Variants in RNF144A observed in about 807,000 individuals in gnomAD.
RNF144A encodes E3 ubiquitin-protein ligase RNF144A.
A neutral mutation model predicts 38.7 loss-of-function variants in RNF144A; 11 were observed. That is an observed-to-expected ratio of 0.28 (90% CI 0.18 to 0.47). The LOEUF (loss-of-function observed/expected upper bound fraction) is 0.47. Among genes scored for constraint, RNF144A ranks in the 20% least tolerant of loss-of-function variants. RNF144A has a pLI of 0.99. For synonymous variants in RNF144A, 149 were observed against 143.9 expected (o/e 1.04, Z -0.25); for missense variants, 316 against 377.2 (o/e 0.84, Z 1.34).
At chr2:7,032,594 G>C (rs1319738370) in intron 8 of RNF144A, among the ~76,000 whole-genome samples, 5 of 152,238 alleles carry the variant, frequency 3.3e-5, no homozygotes, top group Admixed American at 3.3e-4. Flanking sequence ...TGGACAGATC[G>C]ATGCGTCACT....
chr2:7,061,530 C>T (rs1347590277), intron 6 of RNF144A, among the ~76,000 whole-genome samples: 1 of 152,140 alleles, frequency 6.6e-6, no homozygotes, highest in East Asian at 1.9e-4. Flanking sequence ...AAGGCTTTCT[C>T]AAAGATTTGC....
At chr2:7,008,260 G>A (rs1033853659) in intron 3 of RNF144A, among the ~76,000 whole-genome samples, 3 of 152,248 alleles carry the variant, frequency 2.0e-5, no homozygotes, top group East Asian at 1.9e-4. Flanking sequence ...CAGCGGGTGC[G>A]TGGTCACATG....
chr2:6,993,829 T>A (rs1476663210), intron 2 of RNF144A, among the ~76,000 whole-genome samples: 1 of 152,170 alleles, frequency 6.6e-6, no homozygotes, highest in East Asian at 1.9e-4. Flanking sequence ...GGTAAAAGTC[T>A]AAGCTTGTTA....
chr2:6,926,801 A>G (rs570492225), intron 1 of RNF144A, among the ~76,000 whole-genome samples: 1 of 152,216 alleles, frequency 6.6e-6, no homozygotes, highest in Admixed American at 6.5e-5. Flanking sequence ...CTTTATTTCT[A>G]TTGTTGTTGT....
At chr2:6,937,090 A>G (rs1268339280) in intron 1 of RNF144A, among the ~76,000 whole-genome samples, 1 of 152,174 alleles carries the variant, frequency 6.6e-6, no homozygotes, top group African/African-American at 2.4e-5. Context: ...AACAGGTACT[A>G]AAAATGTGAG....
chr2:7,000,695 CA>C (rs1313589569), intron 3 of RNF144A, among the ~76,000 whole-genome samples: 2 of 151,928 alleles, frequency 1.3e-5, no homozygotes, highest in Non-Finnish European at 2.9e-5. Context: ...GCTGTGGTCC[CA>C]TCCCAAGACA....
chr2:6,997,295 T>G (rs915913424), intron 3 of RNF144A, among the ~76,000 whole-genome samples: 1 of 152,198 alleles, frequency 6.6e-6, no homozygotes, highest in African/African-American at 2.4e-5. Context: ...TTAAACAGAA[T>G]TTTAGAAGCT....
intron 1 of RNF144A, among the ~76,000 whole-genome samples, chr2:6,919,173 T>G (rs1177815554): frequency 1.3e-5 from 2 of 151,782 alleles, no homozygotes; most frequent in African/African-American, 4.8e-5. Context: ...GGTGTCTGAG[T>G]CAAAGCTTGC....
intron 1 of RNF144A, among the ~76,000 whole-genome samples, chr2:6,929,297 A>G (rs1665067865): frequency 6.6e-6 from 1 of 152,146 alleles, no homozygotes; most frequent in Non-Finnish European, 1.5e-5. Flanking sequence ...CCTCGCCACC[A>G]TATTTTATCT....
At chr2:7,059,573 A>G (rs1673876638) in intron 6 of RNF144A, among the ~76,000 whole-genome samples, 1 of 152,186 alleles carries the variant, frequency 6.6e-6, no homozygotes, top group Non-Finnish European at 1.5e-5. Flanking sequence ...CATGTTTTAG[A>G]AGAGACTTTT....
intron 6 of RNF144A, among the ~76,000 whole-genome samples, chr2:7,056,585 A>T (rs1180911104): frequency 6.6e-6 from 1 of 152,134 alleles, no homozygotes; most frequent in African/African-American, 2.4e-5. Context: ...AGGTCATTCC[A>T]GTTATGGTTC....
rs1673183988 is a variant in RNF144A, at chr2:7,043,698, C to T, written c.*3938C>T. 3 of 985,704 alleles carry T rather than the reference C, an allele frequency of 3.0e-6. No individual in the cohort carries two copies. In the African/African-American group the frequency reaches 5.2e-5, roughly 17 times the overall value. 61.1% of individuals were successfully genotyped at this position (985,704 alleles called of 1,614,324 possible). A position where few individuals can be genotyped will look rare whatever the true frequency, so the allele number is the denominator to read the frequency against. Reference sequence around the variant, plus strand: ...AATGCTTCACAACTAGGAGAGCATGCCGTCTTGATGTTTAAAAAACCCAGG... The same window carrying T: ...AATGCTTCACAACTAGGAGAGCATGTCGTCTTGATGTTTAAAAAACCCAGG... On this transcript the variant is annotated 3_prime_UTR_variant, in exon 9 of 9. Coordinates refer to ENST00000320892, the MANE Select transcript of RNF144A (RefSeq NM_014746.6).
At chr2:6,924,642 C>T (rs552668880) in intron 1 of RNF144A, among the ~76,000 whole-genome samples, 3 of 152,232 alleles carry the variant, frequency 2.0e-5, no homozygotes, top group African/African-American at 4.8e-5. Flanking sequence ...ATCTCCCTTC[C>T]GAGTGCGGGC....
rs757693827 is a variant in RNF144A, at chr2:7,024,484, G to T, written c.625G>T (p.Ala209Ser). 1 of 1,611,604 alleles carries T rather than the reference G, an allele frequency of 6.2e-7. No homozygotes were observed. The highest frequency in any genetic ancestry group is 1.7e-5 in the Admixed American group (1 of 60,006). Residue 209 changes from alanine to serine, a missense_variant, in exon 7 of 9, where the codon GCC becomes TCC. Transcript: ENST00000320892. ...GATGATGTGCAAGAACTGCAAGCAC[G>T]CCTTCTGCTGGTACTGCCTGGAGTC... Reference protein sequence around the residue: ...AQMMCKNCKHAFCWYCLESLD... With the variant: ...AQMMCKNCKHSFCWYCLESLD...
At position 7,024,079 on chromosome 2, in the gene RNF144A, G is replaced by T. The variant is rs447627; in HGVS notation, c.510-290G>T. On this transcript the variant is annotated intron_variant, in intron 6 of 8. Transcript: ENST00000320892. ...CCTCCGTTATAATAAGCCTTTCGCTGTATTTTCTTTTGTTTGTATACATAT... is the reference window on the plus strand; with the variant it reads ...CCTCCGTTATAATAAGCCTTTCGCTTTATTTTCTTTTGTTTGTATACATAT... Among the ~76,000 whole-genome samples, 48,392 of 151,906 alleles carry T rather than the reference G, an allele frequency of 0.32. 8,693 individuals are homozygous for T. The highest frequency in any genetic ancestry group is 0.41 in the Middle Eastern group (117 of 288).
chr2:7,060,578 A>G (rs1673913557), intron 6 of RNF144A, among the ~76,000 whole-genome samples: 2 of 152,232 alleles, frequency 1.3e-5, no homozygotes, highest in Admixed American at 6.5e-5. Context: ...AGATCACTGC[A>G]TCTTTCTGGA....
intron 3 of RNF144A, among the ~76,000 whole-genome samples, chr2:7,006,472 C>T (rs868394787): frequency 6.6e-6 from 1 of 152,020 alleles, no homozygotes; most frequent in Non-Finnish European, 1.5e-5. Flanking sequence ...ACACCTGCCT[C>T]CTCAATGTCA....
At chr2:6,985,175 C>T (rs937329726) in intron 2 of RNF144A, among the ~76,000 whole-genome samples, 2 of 151,874 alleles carry the variant, frequency 1.3e-5, no homozygotes. Flanking sequence ...TGGCCTAATA[C>T]TGATAAATGA....
chr2:7,068,721 T>C (rs1674338055), downstream of RNF144A, among the ~76,000 whole-genome samples: 1 of 152,160 alleles, frequency 6.6e-6, no homozygotes, highest in African/African-American at 2.4e-5. Context: ...AGATGGCAGA[T>C]AGAGACGGGG....
Sources: gnomAD v4.1 joint callset for allele counts (sites outside exome capture counted in the v4.1 genomes callset) on GRCh38, gnomAD v4.1.1 for gene constraint, MANE v1.5 for transcripts, NCBI Gene and HGNC (gene_info 2026-07-23, HGNC 2026-07-21) for gene names.